PFKFB3: variants seen among roughly 807,000 people sequenced by gnomAD.
PFKFB3 encodes the protein 6-phosphofructo-2-kinase/fructose-2,6-bisphosphatase 3.
PFKFB3 carries 33 observed loss-of-function variants against 68.0 expected under a neutral mutation model. That is an observed-to-expected ratio of 0.49 (90% CI 0.37 to 0.65). The LOEUF (loss-of-function observed/expected upper bound fraction) is 0.65. PFKFB3 is among the 30% of genes least tolerant of loss of function. The probability of loss-of-function intolerance (pLI) is 0.00; values close to 1 mark genes in which losing one functional copy is unlikely to be tolerated. For missense variants in PFKFB3, 586 were observed against 712.2 expected, an observed-to-expected ratio of 0.82 and a Z score of 2.02; for synonymous variants, 315 against 288.2, an observed-to-expected ratio of 1.09 and a Z score of -0.94.
intron 12 of PFKFB3, 52 bp downstream of exon 12, chr10:6,224,072 C>A: frequency 1.2e-6 from 2 of 1,607,350 alleles, no homozygotes; most frequent in Non-Finnish European, 1.7e-6. Flanking sequence ...GCCACAGTAG[C>A]TTCTTGTGGC....
intron 11 of PFKFB3, 51 bp downstream of exon 11, chr10:6,223,035 C>A (rs146218776): frequency 1.9e-6 from 3 of 1,575,050 alleles, no homozygotes; most frequent in Non-Finnish European, 2.6e-6. Context: ...GGGACTGGCA[C>A]TCGGCGGGGG....
the PFKFB3 span, among the ~76,000 whole-genome samples, chr10:6,270,063 C>T: frequency 6.6e-6 from 1 of 151,938 alleles, no homozygotes; most frequent in African/African-American, 2.4e-5. Context: ...ACCCGGGAGG[C>T]GGAGGTTGCA....
chr10:6,151,636 G>T (rs1420105441), intron 1 of PFKFB3, among the ~76,000 whole-genome samples: 1 of 152,194 alleles, frequency 6.6e-6, no homozygotes, highest in African/African-American at 2.4e-5. Flanking sequence ...GGCTGCTGAA[G>T]TCGTCCCAGA....
intron 1 of PFKFB3, among the ~76,000 whole-genome samples, chr10:6,193,282 T>C (rs994920814): frequency 2.0e-5 from 3 of 152,144 alleles, no homozygotes; most frequent in African/African-American, 7.2e-5. Flanking sequence ...GCCCAGAAAC[T>C]CTAGGCTGCA....
In PFKFB3 at chr10:6,177,326, G is replaced by A. The variant is rs117946324; in HGVS notation, c.16+32313G>A. Among the ~76,000 whole-genome samples, 758 of 142,074 alleles carry A rather than the reference G, an allele frequency of 5.3e-3. 4 individuals carry two copies. Among genetic ancestry groups the A allele is most frequent in the Non-Finnish European group, 9.2e-3 (583 of 63,212 alleles). 93.2% of individuals were successfully genotyped at this position (142,074 alleles called of 152,430 possible). On this transcript the variant is annotated intron_variant, in intron 1 of 14. Transcript: ENST00000379789. Reference sequence around the variant, plus strand: ...TACACATAGTAGAGGTCAATAAAACGGAGTTTGTGGGATGTTTCTTTTCTT... The same window carrying A: ...TACACATAGTAGAGGTCAATAAAACAGAGTTTGTGGGATGTTTCTTTTCTT...
chr10:6,309,044 A>C, the PFKFB3 span, among the ~76,000 whole-genome samples: 1 of 152,356 alleles, frequency 6.6e-6, no homozygotes, highest in South Asian at 2.1e-4. Flanking sequence ...AAATAAAAAA[A>C]AGAGAGGGCG....
intron 14 of PFKFB3, among the ~76,000 whole-genome samples, chr10:6,252,409 T>G (rs768681306): frequency 6.6e-6 from 1 of 152,246 alleles, no homozygotes; most frequent in Non-Finnish European, 1.5e-5. Flanking sequence ...TGTTTCATTT[T>G]AACAAGTTCA....
chr10:6,188,840 T>G, intron 1 of PFKFB3, among the ~76,000 whole-genome samples: 1 of 148,072 alleles, frequency 6.8e-6, no homozygotes, highest in East Asian at 2.0e-4. Context: ...TTTTTTTTTT[T>G]TTTTTTTTTT....
chr10:6,231,996 T>G (rs560424182), intron 14 of PFKFB3, among the ~76,000 whole-genome samples: 6 of 152,338 alleles, frequency 3.9e-5, no homozygotes, highest in Non-Finnish European at 8.8e-5. Flanking sequence ...TCCCTGTGGA[T>G]GGCTCCAGCC....
intron 13 of PFKFB3, 106 bp from the exon 14 acceptor site, chr10:6,226,086 T>C (rs1845328910): frequency 1.9e-5 from 20 of 1,041,660 alleles, no homozygotes; most frequent in Non-Finnish European, 2.3e-5. Flanking sequence ...TCGGTCAGTC[T>C]TTTTGCCTCT....
chr10:6,277,738 C>T, the PFKFB3 span: 19 of 423,060 alleles, frequency 4.5e-5, no homozygotes, highest in East Asian at 1.6e-4. Context: ...GCCAGCACCA[C>T]GCTTTCTGTA....
downstream of PFKFB3, among the ~76,000 whole-genome samples, chr10:6,257,531 A>G (rs909081988): frequency 3.3e-5 from 5 of 152,192 alleles, no homozygotes; most frequent in Non-Finnish European, 5.9e-5. Context: ...GATGGAGGGC[A>G]GTTGAGGACC....
At chr10:6,261,867 C>T in the PFKFB3 span, among the ~76,000 whole-genome samples, 1 of 152,052 alleles carries the variant, frequency 6.6e-6, no homozygotes, top group Admixed American at 6.6e-5. Context: ...TCATGGCACA[C>T]ATCGGTAGTC....
rs1845625275 is a variant in PFKFB3 at position 6,229,920 on chromosome 10, G to C, written c.1516-2975G>C. Among the ~76,000 whole-genome samples the C allele has an allele frequency of 6.6e-6, 1 of 152,092 alleles. No individual in the cohort carries two copies. Among genetic ancestry groups the C allele is most frequent in the African/African-American group, 2.4e-5 (1 of 41,420 alleles). On this transcript the variant is annotated intron_variant, in intron 14 of 14. Coordinates refer to ENST00000379775, the MANE Select transcript of PFKFB3 (RefSeq NM_004566.4). The surrounding 1 kb of genome is among the most constrained non-coding windows in gnomAD (Gnocchi z 4.3). ...TCGTGTGTGCTCCTCCGAGTCAGGT[G>C]GTAATGTTGGCCCACCCACCACCCA... is the stretch of plus-strand genomic sequence containing the variant.
chr10:6,150,611 C>T lies in PFKFB3; in HGVS notation c.16+5598C>T, dbSNP rs561789406. Reference sequence around the variant, plus strand: ...CTGCACTCCAGCCGGGGCGACAGAGCGAGACTGTCTCAAAAATAACAATAA... The same window carrying T: ...CTGCACTCCAGCCGGGGCGACAGAGTGAGACTGTCTCAAAAATAACAATAA... On this transcript the variant is annotated intron_variant, in intron 1 of 14. Coordinates refer to the PFKFB3 transcript ENST00000379789. 3.9e-5 allele frequency among the ~76,000 whole-genome samples: 6 copies of T among 152,180 alleles called. No individual in the cohort carries two copies. In the East Asian group the frequency reaches 5.8e-4, roughly 15 times the overall value.
At chr10:6,224,567 A>C (rs563633977) in intron 13 of PFKFB3, 1 of 449,210 alleles carries the variant, frequency 2.2e-6, no homozygotes, top group Non-Finnish European at 4.4e-6. Context: ...TGCAGCCTCA[A>C]CCTCCTGGGT....
At chr10:6,301,516 G>T in the PFKFB3 span, among the ~76,000 whole-genome samples, 23 of 152,214 alleles carry the variant, frequency 1.5e-4, no homozygotes, top group African/African-American at 5.5e-4. Flanking sequence ...CTAAAGTGAA[G>T]AATCCTCATT....
intron 1 of PFKFB3, among the ~76,000 whole-genome samples, chr10:6,185,571 C>T (rs1362328469): frequency 6.6e-6 from 1 of 151,750 alleles, no homozygotes; most frequent in African/African-American, 2.4e-5. Flanking sequence ...GCCAGGGGCT[C>T]ATCTGGGTCA....
chr10:6,232,017 A>G (rs1486182777), intron 14 of PFKFB3, among the ~76,000 whole-genome samples: 2 of 152,142 alleles, frequency 1.3e-5, no homozygotes. Context: ...TTGGACCCCC[A>G]GTTCTGTGTG....
Sources: allele counts gnomAD v4.1 joint callset (sites outside exome capture counted in the v4.1 genomes callset), GRCh38; gene constraint gnomAD v4.1.1; non-coding constraint Gnocchi (gnomAD v3.1); transcripts MANE v1.5; gene names NCBI Gene and HGNC (gene_info 2026-07-23, HGNC 2026-07-21).